ZNF34: variants seen among roughly 807,000 people sequenced by gnomAD.
ZNF34 encodes the protein zinc finger protein 34, also known as zinc finger protein 34 (KOX 32).
In ZNF34, 8 loss-of-function variants were observed where a neutral mutation model predicts 14.4. The observed-to-expected ratio is 0.55, with a 90% CI of 0.33 to 1.00. The LOEUF (loss-of-function observed/expected upper bound fraction) is 1.00. ZNF34 is among the 50% of genes least tolerant of loss of function. The probability of loss-of-function intolerance (pLI) is 0.03; values close to 1 mark genes in which losing one functional copy is unlikely to be tolerated. For synonymous variants in ZNF34, 235 were observed against 247.9 expected (o/e 0.95, Z 0.49); for missense variants, 538 against 674.2 (o/e 0.80, Z 2.24).
In ZNF34 at chr8:144,778,484, G is replaced by C. The variant is rs746441114; in HGVS notation, c.-13C>G. 3 of 1,592,346 alleles carry C rather than the reference G, an allele frequency of 1.9e-6. No individual in the cohort carries two copies. Among genetic ancestry groups the C allele is most frequent in the Non-Finnish European group, 2.6e-6 (3 of 1,169,730 alleles). ...ACAAGGCCGCCATTGCCTGAGGGTTGGGCTTTCTGAGGGCAGTGAGCAGGA... is the reference window on the plus strand; with the variant it reads ...ACAAGGCCGCCATTGCCTGAGGGTTCGGCTTTCTGAGGGCAGTGAGCAGGA... On this transcript the variant is annotated 5_prime_UTR_variant, in exon 3 of 6. Coordinates refer to ENST00000429371, the MANE Select transcript of ZNF34 (RefSeq NM_001286769.2).
chr8:144,778,394 G>T, intron 3 of ZNF34, 45 bp downstream of exon 3: 1 of 1,475,490 alleles, frequency 6.8e-7, no homozygotes, highest in African/African-American at 1.4e-5. Context: ...GCCAAGGAAA[G>T]CCCTGGGTAA....
intron 5 of ZNF34, 36 bp from the exon 6 acceptor site, chr8:144,774,641 C>T (rs1825390194): frequency 6.4e-7 from 1 of 1,569,182 alleles, no homozygotes; most frequent in South Asian, 1.2e-5. Context: ...GGGTCACCTG[C>T]TCTGACTCTG....
At chr8:144,781,414 G>A (rs1430259733) in intron 1 of ZNF34, among the ~76,000 whole-genome samples, 1 of 151,476 alleles carries the variant, frequency 6.6e-6, no homozygotes, top group African/African-American at 2.4e-5. Flanking sequence ...GACCACAGGT[G>A]CGTTTAATTT....
At chr8:144,775,405 G>A (rs61475323) in intron 5 of ZNF34, among the ~76,000 whole-genome samples, 11,159 of 152,200 alleles carry the variant, frequency 0.073, 1,392 homozygotes, top group African/African-American at 0.26. Context: ...TATTCCGGGC[G>A]CCAGAGAGAG....
rs747327742 is a variant in ZNF34 at position 144,778,179 on chromosome 8, A to C, written c.34-15T>G. 1.3e-5 allele frequency: 21 copies of C among 1,607,606 alleles called. No homozygotes were observed. Among genetic ancestry groups the C allele is most frequent in the Non-Finnish European group, 1.7e-5 (20 of 1,176,740 alleles). ...GTCACCTCGGCCTGGAATGACAGGG[A>C]CTACTGCAGCCCAGGTGTGGTCCAG... On this transcript the variant is annotated splice_polypyrimidine_tract_variant and intron_variant, in intron 3 of 5. Transcript: ENST00000429371.
At chr8:144,784,523 G>A (rs1826105347) in intron 1 of ZNF34, among the ~76,000 whole-genome samples, 1 of 150,374 alleles carries the variant, frequency 6.7e-6, no homozygotes, top group Non-Finnish European at 1.5e-5. Context: ...ACTTTGGGAG[G>A]CCGAGGTGAG....
At chr8:144,778,738 T>C (rs1336336696) in intron 2 of ZNF34, among the ~76,000 whole-genome samples, 2 of 152,118 alleles carry the variant, frequency 1.3e-5, no homozygotes, top group Non-Finnish European at 1.5e-5. Context: ...TTCTTTCTTT[T>C]TTTTTTAATG....
chr8:144,778,561 C>T (rs1404763439), intron 2 of ZNF34, 36 bp from the exon 3 acceptor site: 5 of 1,478,970 alleles, frequency 3.4e-6, no homozygotes, highest in Non-Finnish European at 4.5e-6. Flanking sequence ...GAGGCCCAGT[C>T]TGGCCCCTTC....
At chr8:144,786,645 G>A (rs2130347770) in intron 1 of ZNF34, among the ~76,000 whole-genome samples, 1 of 151,400 alleles carries the variant, frequency 6.6e-6, no homozygotes, top group African/African-American at 2.4e-5. Flanking sequence ...GAAAAAGAGA[G>A]AGAGAAAGGA....
chr8:144,774,661 C>G, intron 5 of ZNF34, 56 bp from the exon 6 acceptor site: 1 of 1,541,740 alleles, frequency 6.5e-7, no homozygotes. Context: ...GGAAGGTAGG[C>G]ATGAGATGCT....
At chr8:144,786,788 C>T (rs1244078231) in intron 1 of ZNF34, among the ~76,000 whole-genome samples, 1 of 151,916 alleles carries the variant, frequency 6.6e-6, no homozygotes, top group African/African-American at 2.4e-5. Flanking sequence ...AAGGCACAAG[C>T]AGAGGGAGGA....
intron 5 of ZNF34, among the ~76,000 whole-genome samples, chr8:144,776,747 A>T (rs1825543110): frequency 6.6e-6 from 1 of 151,950 alleles, no homozygotes; most frequent in South Asian, 2.1e-4. Flanking sequence ...TCGTCTCTGT[A>T]AAAAAATCAA....
chr8:144,778,785 G>A (rs988141158), intron 2 of ZNF34, among the ~76,000 whole-genome samples: 1 of 151,796 alleles, frequency 6.6e-6, no homozygotes, highest in African/African-American at 2.4e-5. Context: ...CAGGCTAGAG[G>A]ACAGTGGCGT....
intron 1 of ZNF34, among the ~76,000 whole-genome samples, chr8:144,782,842 CAAAAAAAAAAAAAAAAAAAA>C (rs548252812): frequency 8.7e-5 from 2 of 22,974 alleles, no homozygotes; most frequent in African/African-American, 3.1e-4. Flanking sequence ...AAGCCTATCT[CAAAAAAAAAAAAAAAAAAAA>C]AAAAAAAAAA....
At chr8:144,776,164 T>C (rs1825499460) in intron 5 of ZNF34, among the ~76,000 whole-genome samples, 1 of 151,574 alleles carries the variant, frequency 6.6e-6, no homozygotes, top group Non-Finnish European at 1.5e-5. Flanking sequence ...ATACAAAAAT[T>C]AGCCAGGCAT....
Position 144,777,932 on chromosome 8 carries a change from G to A in ZNF34, c.160+106C>T. 1.3e-6 allele frequency: 2 copies of A among 1,503,754 alleles called. No individual in the cohort carries two copies. The highest frequency in any genetic ancestry group is 1.8e-6 in the Non-Finnish European group (2 of 1,106,162). 93.2% of individuals were successfully genotyped at this position (1,503,754 alleles called of 1,614,324 possible). A position where few individuals can be genotyped will look rare whatever the true frequency, so the allele number is the denominator to read the frequency against. The stretch of plus-strand genomic sequence containing the variant: ...AGATCAGGTGCCTGCCTGGGATAAA[G>A]GTCATCACCTATCTGTGCCCAGGGG... On this transcript the variant is annotated intron_variant, in intron 4 of 5. Transcript: ENST00000429371. This position sits in a 1 kb window ranked among gnomAD's most constrained non-coding sequence, Gnocchi z 4.8.
In ZNF34 at chr8:144,774,153, G is replaced by C; in HGVS notation, c.733C>G (p.Leu245Val). 6.2e-7 allele frequency: 1 copy of C among 1,613,998 alleles called. No individual in the cohort carries two copies. Among genetic ancestry groups the C allele is most frequent in the African/African-American group, 1.3e-5 (1 of 75,030 alleles). ...CGKTFRYSAN[L>V]VKHQRLHTEE... ...GTGTGAAGCCGCTGATGCTTGACAA[G>C]GTTGGCACTGTACCTGAATGTTTTC... Residue 245 changes from leucine to valine, a missense_variant, in exon 6 of 6, where the codon CTT becomes GTT. Physicochemically the swap from Leu to Val is conservative, Grantham distance 32. This residue lies in a region of ZNF34 where 431 missense variants were observed against 525.7 expected (regional missense o/e 0.82). Transcript: ENST00000429371.
chr8:144,782,414 C>G (rs189577453), intron 1 of ZNF34, among the ~76,000 whole-genome samples: 1 of 151,808 alleles, frequency 6.6e-6, no homozygotes, highest in African/African-American at 2.4e-5. Context: ...CACTTGAATT[C>G]GGGAGGTGGA....
chr8:144,773,224 G>A lies in ZNF34; in HGVS notation c.*42C>T. ...AGTCAGGTGCCGGGGGCGCATGCAG[G>A]AAGTGCTCAGCTGGACTCTGCCCTC... On this transcript the variant is annotated 3_prime_UTR_variant, in exon 6 of 6. Coordinates refer to ENST00000429371, the MANE Select transcript of ZNF34 (RefSeq NM_001286769.2). The surrounding 1 kb of genome is among the most constrained non-coding windows in gnomAD (Gnocchi z 5.4). The A allele has an allele frequency of 6.4e-7, 1 of 1,551,704 alleles. No individual in the cohort carries two copies. Among genetic ancestry groups the A allele is most frequent in the African/African-American group, 1.4e-5 (1 of 73,734 alleles).
Sources: gnomAD v4.1 joint callset for allele counts (sites outside exome capture counted in the v4.1 genomes callset) on GRCh38, gnomAD v4.1.1 for gene constraint, gnomAD v4.1.1 regional missense constraint, Gnocchi (gnomAD v3.1) non-coding constraint, MANE v1.5 for transcripts, NCBI Gene and HGNC (gene_info 2026-07-23, HGNC 2026-07-21) for gene names.